The following FRAS1 variants were observed in gnomAD, a reference collection of about 807,000 sequenced individuals.
The protein encoded by FRAS1 is Fraser extracellular matrix complex subunit 1.
In FRAS1, 290 loss-of-function variants were observed where a neutral mutation model predicts 435.2. That is an observed-to-expected ratio of 0.67 (90% CI 0.61 to 0.73). FRAS1 has a LOEUF of 0.73. Among genes scored for constraint, FRAS1 ranks in the 30% least tolerant of loss-of-function variants. The pLI is 0.00. For missense variants in FRAS1, 4,860 were observed against 5,001.5 expected (o/e 0.97, Z 0.85); for synonymous variants, 1,800 against 1,851.0 (o/e 0.97, Z 0.71).
At chr4:78,376,624 A>G (rs1731774958) in intron 26 of FRAS1, among the ~76,000 whole-genome samples, 2 of 152,192 alleles carry the variant, frequency 1.3e-5, no homozygotes, top group South Asian at 2.1e-4. Context: ...AACAAATAGT[A>G]TGAGGAGTCT....
chr4:78,529,395 C>A (rs1721643868), intron 70 of FRAS1, among the ~76,000 whole-genome samples: 1 of 151,880 alleles, frequency 6.6e-6, no homozygotes, highest in Admixed American at 6.6e-5. Context: ...GATCTACCAC[C>A]CACCTTAAGA....
intron 68 of FRAS1, 141 bp downstream of exon 68, chr4:78,521,771 C>A (rs757180431): frequency 3.8e-5 from 21 of 555,808 alleles, no homozygotes; most frequent in Non-Finnish European, 5.3e-5. Flanking sequence ...ATACATCCAT[C>A]CATACATATC....
At position 78,452,244 on chromosome 4, in the gene FRAS1, TC is replaced by T; in HGVS notation, c.6654del (p.Thr2219ProfsTer17). On this transcript the variant is annotated frameshift_variant, in exon 47 of 74. Transcript: ENST00000512123. LOFTEE classifies it high-confidence loss of function. ...TTGGATGAAAACTCAGTGAAGAAAA[TC>T]ACCACCCTGCAGCTGTCTGCCACTG... ...LVLDENSVKK[I>X]TTLQLSATDQ... is the part of the protein sequence containing the mutation. 6.2e-7 allele frequency: 1 copy of T among 1,613,740 alleles called. No individual in the cohort carries two copies. The highest frequency in any genetic ancestry group is 8.5e-7 in the Non-Finnish European group (1 of 1,179,762).
intron 58 of FRAS1, among the ~76,000 whole-genome samples, chr4:78,487,753 T>A (rs1720216270): frequency 1.3e-5 from 2 of 152,176 alleles, no homozygotes; most frequent in South Asian, 4.1e-4. Flanking sequence ...GCATTTATTA[T>A]CTCATTAAAT....
At chr4:78,485,791 C>T (rs536773021) in intron 58 of FRAS1, among the ~76,000 whole-genome samples, 1 of 152,306 alleles carries the variant, frequency 6.6e-6, no homozygotes. Flanking sequence ...GTCCAGTCTT[C>T]TGGTTTCATA....
intron 4 of FRAS1, among the ~76,000 whole-genome samples, chr4:78,249,074 T>TATATGC (rs1553934064): frequency 3.5e-4 from 33 of 94,694 alleles, no homozygotes; most frequent in South Asian, 8.4e-4. Flanking sequence ...CATATATATA[T>TATATGC]ATATATATAT....
chr4:78,481,276 G>A (rs988799667), intron 56 of FRAS1, among the ~76,000 whole-genome samples: 3 of 152,290 alleles, frequency 2.0e-5, no homozygotes, highest in Middle Eastern at 3.4e-3. Flanking sequence ...AAGCACATGC[G>A]GTTTAAGTCA....
chr4:78,326,062 T>C (rs1302726587), intron 18 of FRAS1, among the ~76,000 whole-genome samples: 1 of 152,190 alleles, frequency 6.6e-6, no homozygotes, highest in African/African-American at 2.4e-5. Context: ...TGTGCTGTGC[T>C]AAGGAGTTTA....
chr4:78,456,744 A>T (rs1260935514), intron 47 of FRAS1, among the ~76,000 whole-genome samples: 2 of 152,214 alleles, frequency 1.3e-5, no homozygotes, highest in African/African-American at 4.8e-5. Flanking sequence ...CTATTAACAA[A>T]TGTCCAGCAA....
chr4:78,516,135 C>A, intron 66 of FRAS1, 122 bp downstream of exon 66: 1 of 700,212 alleles, frequency 1.4e-6, no homozygotes, highest in Non-Finnish European at 2.3e-6. Context: ...CTAAGGGAGT[C>A]TTCTTTATAA....
At chr4:78,115,411 C>T (rs572600480) in intron 2 of FRAS1, among the ~76,000 whole-genome samples, 41 of 152,234 alleles carry the variant, frequency 2.7e-4, no homozygotes, top group African/African-American at 3.6e-4. Context: ...ATGGTACCAG[C>T]TCCTCCTTGT....
At chr4:78,203,510 T>C (rs1213994700) in intron 2 of FRAS1, among the ~76,000 whole-genome samples, 1 of 152,206 alleles carries the variant, frequency 6.6e-6, no homozygotes, top group African/African-American at 2.4e-5. Flanking sequence ...TCTAACAAAG[T>C]GACATTGTTT....
At chr4:78,359,185 C>T (rs1456807483) in intron 20 of FRAS1, among the ~76,000 whole-genome samples, 4 of 151,556 alleles carry the variant, frequency 2.6e-5, no homozygotes, top group Non-Finnish European at 4.4e-5. Context: ...ACAGCATCCC[C>T]GGGCTTGTAC....
chr4:78,172,929 T>G (rs1251818782), intron 2 of FRAS1, among the ~76,000 whole-genome samples: 7 of 152,060 alleles, frequency 4.6e-5, no homozygotes, highest in African/African-American at 1.7e-4. Context: ...GGTGATCATA[T>G]GATAAAAATA....
At chr4:78,465,308 CTTTG>C (rs1388737820) in intron 49 of FRAS1, among the ~76,000 whole-genome samples, 1 of 152,100 alleles carries the variant, frequency 6.6e-6, no homozygotes, top group Non-Finnish European at 1.5e-5. Context: ...AGTCTACTAT[CTTTG>C]TTTGGGGGAA....
chr4:78,457,181 G>T (rs1427070061), intron 47 of FRAS1, among the ~76,000 whole-genome samples: 1 of 152,216 alleles, frequency 6.6e-6, no homozygotes, highest in African/African-American at 2.4e-5. Flanking sequence ...GCCCTTTGCT[G>T]ATGGGCAACC....
At chr4:78,099,550 A>C (rs1742001584) in intron 2 of FRAS1, among the ~76,000 whole-genome samples, 1 of 152,190 alleles carries the variant, frequency 6.6e-6, no homozygotes, top group Admixed American at 6.5e-5. Flanking sequence ...TCTTATAAAC[A>C]CTTACTATGT....
At chr4:78,237,180 C>G (rs1221599756) in intron 2 of FRAS1, among the ~76,000 whole-genome samples, 1 of 152,036 alleles carries the variant, frequency 6.6e-6, no homozygotes, top group African/African-American at 2.4e-5. Flanking sequence ...GTGGTTTCTG[C>G]TAGTTAACAG....
chr4:78,446,009 A>T, intron 42 of FRAS1: 1 of 1,247,026 alleles, frequency 8.0e-7, no homozygotes, highest in East Asian at 3.1e-5. Flanking sequence ...GAAAACTTAC[A>T]TATGTCTATG....
Sources: allele counts gnomAD v4.1 joint callset (sites outside exome capture counted in the v4.1 genomes callset), GRCh38; gene constraint gnomAD v4.1.1; transcripts MANE v1.5; gene names NCBI Gene and HGNC (gene_info 2026-07-23, HGNC 2026-07-21).